The following UBR4 variants were observed in gnomAD, a reference collection of about 807,000 sequenced individuals.
UBR4 encodes E3 ubiquitin-protein ligase UBR4.
UBR4 carries 124 observed loss-of-function variants against 575.6 expected under a neutral mutation model. That is an observed-to-expected ratio of 0.22 (90% CI 0.19 to 0.25). The LOEUF is 0.25. Among genes scored for constraint, UBR4 ranks in the 10% least tolerant of loss-of-function variants. The pLI, the probability that UBR4 is intolerant of heterozygous loss-of-function variation, is 1.00. For missense variants in UBR4, 4,818 were observed against 6,478.8 expected, an observed-to-expected ratio of 0.74 and a Z score of 8.80; for synonymous variants, 2,455 against 2,473.7, an observed-to-expected ratio of 0.99 and a Z score of 0.22.
intron 60 of UBR4, among the ~76,000 whole-genome samples, chr1:19,134,270 A>G (rs1172766932): frequency 6.6e-6 from 1 of 151,664 alleles, no homozygotes; most frequent in Non-Finnish European, 1.5e-5. Context: ...AAATAAATAA[A>G]TAAAAATAAA....
At chr1:19,143,256 A>C (rs1241047508) in intron 55 of UBR4, among the ~76,000 whole-genome samples, 5 of 80,416 alleles carry the variant, frequency 6.2e-5, no homozygotes, top group African/African-American at 2.0e-4. Flanking sequence ...GGAAGGAAGG[A>C]AGGAAGAAAG....
chr1:19,178,419 C>T (rs192861044), intron 18 of UBR4, among the ~76,000 whole-genome samples: 122 of 152,278 alleles, frequency 8.0e-4, no homozygotes, highest in Non-Finnish European at 3.1e-4. Context: ...TTGCACCCCT[C>T]GACCCTCTCA....
intron 18 of UBR4, among the ~76,000 whole-genome samples, chr1:19,178,668 T>A (rs1392880554): frequency 6.6e-6 from 1 of 152,092 alleles, no homozygotes; most frequent in African/African-American, 2.4e-5. Context: ...AGGAAAAAAA[T>A]TCTTTAAAAT....
chr1:19,124,701 A>G lies in UBR4; in HGVS notation c.9439-11T>C. On this transcript the variant is annotated splice_polypyrimidine_tract_variant and intron_variant, in intron 64 of 105. Coordinates refer to ENST00000375254, the MANE Select transcript of UBR4 (RefSeq NM_020765.3). ...ATCAGCAGCATGACCCTGGGAGAAG[A>G]AAATTTGCATGAGAACCTGTGACTA... 6.2e-7 allele frequency: 1 copy of G among 1,604,670 alleles called. No homozygotes were observed. Among genetic ancestry groups the G allele is most frequent in the South Asian group, 1.1e-5 (1 of 89,214 alleles).
Position 19,086,753 on chromosome 1 carries a change from G to A in UBR4, c.14613C>T (p.Pro4871=), listed in dbSNP as rs2077052955. The A allele has an allele frequency of 6.2e-7, 1 of 1,614,174 alleles. No individual in the cohort carries two copies. The highest frequency in any genetic ancestry group is 8.5e-7 in the Non-Finnish European group (1 of 1,180,024). ...CGGTGCTGTAGCCCTGCTGTTTCCGGGGCTTATTCTCCATCTCCTCCAAGG... is the reference window on the plus strand; with the variant it reads ...CGGTGCTGTAGCCCTGCTGTTTCCGAGGCTTATTCTCCATCTCCTCCAAGG... The part of the protein sequence containing the change: ...RVALEEMENK[P]RKQQGYSTVS... The change falls in exon 100 of 106, where the codon CCC becomes CCT. Residue 4871 remains proline (P), a synonymous_variant. Coordinates refer to ENST00000375254, the MANE Select transcript of UBR4 (RefSeq NM_020765.3).
rs1315542958 is a variant in UBR4 at position 19,088,413 on chromosome 1, G to T, written c.14430+346C>A. On this transcript the variant is annotated intron_variant, in intron 98 of 105. Coordinates refer to ENST00000375254, the MANE Select transcript of UBR4 (RefSeq NM_020765.3). The surrounding 1 kb of genome is among the most constrained non-coding windows in gnomAD (Gnocchi z 4.0). ...AACCACTTATTAGTTATGTGCCTTGGCCTATTTACTTCACCTCTCAGTTTC... is the reference window on the plus strand; with the variant it reads ...AACCACTTATTAGTTATGTGCCTTGTCCTATTTACTTCACCTCTCAGTTTC... 6.6e-6 allele frequency among the ~76,000 whole-genome samples: 1 copy of T among 152,200 alleles called. No individual in the cohort carries two copies. The highest frequency in any genetic ancestry group is 2.4e-5 in the African/African-American group (1 of 41,456).
intron 102 of UBR4, among the ~76,000 whole-genome samples, chr1:19,082,707 G>A (rs976610367): frequency 6.6e-6 from 1 of 152,214 alleles, no homozygotes; most frequent in Admixed American, 6.5e-5. Context: ...AAAGCAGGAG[G>A]AGAGGGTGCA....
Position 19,129,752 on chromosome 1 carries a change from G to A in UBR4, c.8907-678C>T, listed in dbSNP as rs529021159. 1.0e-4 allele frequency among the ~76,000 whole-genome samples: 15 copies of A among 145,416 alleles called. No individual in the cohort carries two copies. The South Asian group carries it at 3.4e-3, about 33-fold the overall frequency. On this transcript the variant is annotated intron_variant, in intron 60 of 105. Coordinates refer to ENST00000375254, the MANE Select transcript of UBR4 (RefSeq NM_020765.3). Reference sequence around the variant, plus strand: ...CCCCTGGATCTCTAGCTAATATGCTGATTCAAGAGGATGATGAAAATTAAT... The same window carrying A: ...CCCCTGGATCTCTAGCTAATATGCTAATTCAAGAGGATGATGAAAATTAAT...
At chr1:19,128,423 A>G (rs143032667) in intron 61 of UBR4, 105 bp from the exon 62 acceptor site, 2 of 938,636 alleles carry the variant, frequency 2.1e-6, no homozygotes, top group East Asian at 2.5e-5. Flanking sequence ...CATCCCTATC[A>G]ATCATAACTG....
Position 19,181,238 on chromosome 1 carries a change from G to A in UBR4, c.2185-2018C>T, listed in dbSNP as rs76216800. Reference sequence around the variant, plus strand: ...AGACGGACGGATGGAAGGAAGGAAGGAAAGAAGGACGGACCAGCCGGGCAT... The same window carrying A: ...AGACGGACGGATGGAAGGAAGGAAGAAAAGAAGGACGGACCAGCCGGGCAT... On this transcript the variant is annotated intron_variant, in intron 17 of 105. Coordinates refer to ENST00000375254, the MANE Select transcript of UBR4 (RefSeq NM_020765.3). Among the ~76,000 whole-genome samples the A allele has an allele frequency of 4.3e-3, 648 of 152,078 alleles. 3 individuals carry two copies. Among genetic ancestry groups the A allele is most frequent in the African/African-American group, 0.015 (624 of 41,468 alleles).
chr1:19,156,879 CTGGAATCTGCT>C lies in UBR4; in HGVS notation c.5796_5806del (p.Ala1933GlnfsTer45). On this transcript the variant is annotated frameshift_variant, in exon 41 of 106. Transcript: ENST00000375254. LOFTEE classifies it high-confidence loss of function. ...GCGGGTCAGAGTTAACTTCCTTTTG[CTGGAATCTGCT>C]TGCTTCAGGAGTGCAGAGAGCTGCA... is the stretch of plus-strand genomic sequence containing the variant. The C allele has an allele frequency of 6.2e-7, 1 of 1,614,142 alleles. No homozygotes were observed. Among genetic ancestry groups the C allele is most frequent in the Non-Finnish European group, 8.5e-7 (1 of 1,180,008 alleles).
chr1:19,104,391 A>G, intron 86 of UBR4, 134 bp from the exon 87 acceptor site: 1 of 1,239,628 alleles, frequency 8.1e-7, no homozygotes, highest in Non-Finnish European at 1.1e-6. Flanking sequence ...CAGGTGTTCA[A>G]CAAGCGGAAA....
At position 19,153,832 on chromosome 1, in the gene UBR4, A is replaced by G; in HGVS notation, c.6566T>C (p.Val2189Ala). The stretch of plus-strand genomic sequence containing the variant: ...AAAAGTGTCTGGTTTCACCATAACT[A>G]CCAGCGGCACCCCTGTAGTTTGCTG... ...CVQQTTGVPLVVMVKPDTFLI... is the reference protein window; with the variant it reads ...CVQQTTGVPLAVMVKPDTFLI... The change falls in exon 45 of 106, where the codon GTA (valine) becomes GCA (alanine). Residue 2189 changes from valine to alanine, a missense_variant. Coordinates refer to ENST00000375254, the MANE Select transcript of UBR4 (RefSeq NM_020765.3). The surrounding 1 kb of genome is among the most constrained non-coding windows in gnomAD (Gnocchi z 4.1). 6.2e-7 allele frequency: 1 copy of G among 1,614,180 alleles called. No homozygotes were observed. The highest frequency in any genetic ancestry group is 1.1e-5 in the South Asian group (1 of 91,086).
chr1:19,096,119 T>C (rs925316129), intron 92 of UBR4, among the ~76,000 whole-genome samples: 1 of 152,104 alleles, frequency 6.6e-6, no homozygotes. Context: ...AATAACAGTG[T>C]AGTATTTGTG....
At position 19,095,855 on chromosome 1, in the gene UBR4, G is replaced by C. The variant is rs1228321223; in HGVS notation, c.13519-203C>G. The stretch of plus-strand genomic sequence containing the variant: ...ACATTAGGCTGGTAGCTCCAATGGC[G>C]GGATATATCTCTACCATCTCTAATA... On this transcript the variant is annotated intron_variant, in intron 92 of 105. Transcript: ENST00000375254. 1.1e-5 allele frequency: 6 copies of C among 527,848 alleles called. No individual in the cohort carries two copies. In the South Asian group the frequency reaches 1.2e-4, roughly 11 times the overall value. The allele number at this position is 527,848 out of a possible 1,614,324, so 32.7% of individuals were successfully genotyped here. A position where few individuals can be genotyped will look rare whatever the true frequency, so the allele number is the denominator to read the frequency against.
intron 17 of UBR4, among the ~76,000 whole-genome samples, chr1:19,183,605 C>T (rs2091231216): frequency 6.6e-6 from 1 of 152,140 alleles, no homozygotes; most frequent in Non-Finnish European, 1.5e-5. Flanking sequence ...ACCTGTAATC[C>T]CAGCTACTCT....
intron 53 of UBR4, 129 bp from the exon 54 acceptor site, chr1:19,145,036 A>G: frequency 2.0e-6 from 2 of 1,005,664 alleles, no homozygotes; most frequent in South Asian, 3.2e-5. Flanking sequence ...AAACACTCAC[A>G]TACACACTCA....
chr1:19,098,646 G>C (rs925173013), intron 90 of UBR4, among the ~76,000 whole-genome samples: 1 of 152,188 alleles, frequency 6.6e-6, no homozygotes, highest in African/African-American at 2.4e-5. Context: ...GTGCAACAAC[G>C]ACCCCACTGG....
intron 75 of UBR4, among the ~76,000 whole-genome samples, chr1:19,114,441 C>T (rs2080252072): frequency 6.6e-6 from 1 of 152,176 alleles, no homozygotes; most frequent in African/African-American, 2.4e-5. Context: ...CTCCCCCCGC[C>T]CCTGCCCATA....
Sources: allele counts gnomAD v4.1 joint callset (sites outside exome capture counted in the v4.1 genomes callset), GRCh38; gene constraint gnomAD v4.1.1; non-coding constraint Gnocchi (gnomAD v3.1); transcripts MANE v1.5; gene names NCBI Gene and HGNC (gene_info 2026-07-23, HGNC 2026-07-21).